The following ADGRL3 variants were observed in gnomAD, a reference collection of about 807,000 sequenced individuals.
The protein encoded by ADGRL3 is adhesion G protein-coupled receptor L3, also known as calcium-independent alpha-latrotoxin receptor 3.
In ADGRL3, 62 loss-of-function variants were observed where a neutral mutation model predicts 153.5. That is an observed-to-expected ratio of 0.40 (90% CI 0.33 to 0.50). The LOEUF (loss-of-function observed/expected upper bound fraction) is 0.50, where lower values mean the gene tolerates loss of function less well. Among genes scored for constraint, ADGRL3 ranks in the 20% least tolerant of loss-of-function variants. The pLI is 0.47. For synonymous variants in ADGRL3, 710 were observed against 672.5 expected (o/e 1.06, Z -0.86); for missense variants, 1,641 against 1,859.4 (o/e 0.88, Z 2.16).
intron 5 of ADGRL3, among the ~76,000 whole-genome samples, chr4:61,654,490 G>T (rs956779440): frequency 1.3e-5 from 2 of 151,668 alleles, no homozygotes; most frequent in Admixed American, 6.6e-5. Flanking sequence ...ATGTTAAAAG[G>T]ATTTTAACAC....
chr4:61,501,069 A>G (rs17090490), intron 3 of ADGRL3, among the ~76,000 whole-genome samples: 6,807 of 152,270 alleles, frequency 0.045, 352 homozygotes, highest in African/African-American at 0.12. Flanking sequence ...TGGGACAGAC[A>G]GACTGTGGTT....
intron 17 of ADGRL3, among the ~76,000 whole-genome samples, chr4:61,970,912 C>T (rs1333512296): frequency 2.6e-5 from 4 of 151,986 alleles, no homozygotes; most frequent in African/African-American, 9.7e-5. Context: ...TAGATCAATG[C>T]CAGGAATTTT....
At chr4:61,919,201 G>A (rs571637138) in intron 13 of ADGRL3, among the ~76,000 whole-genome samples, 1 of 152,276 alleles carries the variant, frequency 6.6e-6, no homozygotes, top group South Asian at 2.1e-4. Context: ...TGCAGCAACA[G>A]GGAGTACTTT....
At chr4:61,810,726 C>T (rs2097604989) in intron 8 of ADGRL3, among the ~76,000 whole-genome samples, 1 of 152,116 alleles carries the variant, frequency 6.6e-6, no homozygotes, top group African/African-American at 2.4e-5. Flanking sequence ...TTTTACTTCT[C>T]TGGCATACCT....
intron 1 of ADGRL3, among the ~76,000 whole-genome samples, chr4:61,275,938 G>C (rs2149881245): frequency 6.6e-6 from 1 of 152,218 alleles, no homozygotes; most frequent in African/African-American, 2.4e-5. Flanking sequence ...CCAAGCATTA[G>C]AGCTCAGACT....
chr4:61,493,020 TG>T (rs1403943713), intron 2 of ADGRL3, among the ~76,000 whole-genome samples: 1 of 148,930 alleles, frequency 6.7e-6, no homozygotes, highest in Non-Finnish European at 1.5e-5. Context: ...AAAAGAAATT[TG>T]TTTGGTGAAG....
chr4:62,021,299 T>C (rs2099237081), intron 21 of ADGRL3, among the ~76,000 whole-genome samples: 1 of 152,138 alleles, frequency 6.6e-6, no homozygotes, highest in Non-Finnish European at 1.5e-5. Context: ...AACTTCAGCA[T>C]GTATCCCCAC....
intron 2 of ADGRL3, among the ~76,000 whole-genome samples, chr4:61,482,950 A>G (rs1465836424): frequency 3.3e-5 from 5 of 152,154 alleles, no homozygotes; most frequent in African/African-American, 9.7e-5. Flanking sequence ...AAAAATAATT[A>G]CCTTGTATAA....
chr4:62,000,267 A>AT (rs902726152), intron 21 of ADGRL3, among the ~76,000 whole-genome samples: 9 of 150,980 alleles, frequency 6.0e-5, no homozygotes, highest in South Asian at 2.1e-4. Flanking sequence ...TTTTTAGGTA[A>AT]TTTTTTTTTC....
chr4:62,063,168 T>C (rs1463297939), intron 25 of ADGRL3, among the ~76,000 whole-genome samples: 2 of 152,102 alleles, frequency 1.3e-5, no homozygotes, highest in Non-Finnish European at 2.9e-5. Flanking sequence ...TGTGTTTTGT[T>C]TGTATGAATG....
chr4:61,297,849 A>G (rs552647236), intron 1 of ADGRL3, among the ~76,000 whole-genome samples: 1 of 152,012 alleles, frequency 6.6e-6, no homozygotes, highest in Non-Finnish European at 1.5e-5. Flanking sequence ...CACCATCATC[A>G]CCATCACCAC....
rs1747200483 is a variant in ADGRL3, at chr4:62,076,542, G to A, written c.*5634G>A. On this transcript the variant is annotated 3_prime_UTR_variant, in exon 27 of 27. Transcript: ENST00000683033. ...AGAGTTACAGAGAAAAGTTTTCCAG[G>A]AAAGAATAATGAAGTCATTTGTAGT... The A allele has an allele frequency of 6.6e-6, 1 of 151,966 alleles. No individual in the cohort carries two copies. Among genetic ancestry groups the A allele is most frequent in the African/African-American group, 2.4e-5 (1 of 41,416 alleles). The allele number at this position is 151,966 out of a possible 1,614,324, so 9.4% of individuals were successfully genotyped here.
chr4:61,667,315 T>C (rs1194659868), intron 5 of ADGRL3, among the ~76,000 whole-genome samples: 2 of 152,192 alleles, frequency 1.3e-5, no homozygotes, highest in African/African-American at 2.4e-5. Context: ...TTAAGATTCA[T>C]ACATTTATAA....
chr4:61,779,752 T>C (rs1580790100), intron 8 of ADGRL3, among the ~76,000 whole-genome samples: 1 of 152,134 alleles, frequency 6.6e-6, no homozygotes, highest in Non-Finnish European at 1.5e-5. Flanking sequence ...TTTTGTGTTT[T>C]AAATTTCTGT....
intron 14 of ADGRL3, among the ~76,000 whole-genome samples, 183 bp downstream of exon 14, chr4:61,935,206 G>A (rs377416934): frequency 6.6e-5 from 10 of 152,174 alleles, no homozygotes; most frequent in Admixed American, 5.9e-4. Flanking sequence ...AAGATCATGT[G>A]TGCTATCTTT....
intron 4 of ADGRL3, among the ~76,000 whole-genome samples, chr4:61,531,518 G>T (rs1197925351): frequency 6.6e-6 from 1 of 152,104 alleles, no homozygotes; most frequent in Non-Finnish European, 1.5e-5. Context: ...TCACTGGAAA[G>T]ACATTATTAT....
At chr4:61,486,446 C>T (rs1220697738) in intron 2 of ADGRL3, among the ~76,000 whole-genome samples, 1 of 152,012 alleles carries the variant, frequency 6.6e-6, no homozygotes, top group East Asian at 1.9e-4. Context: ...TATACAGTTG[C>T]CATAGGTGTA....
intron 5 of ADGRL3, among the ~76,000 whole-genome samples, chr4:61,646,658 G>A (rs576980661): frequency 6.6e-6 from 1 of 152,130 alleles, no homozygotes; most frequent in East Asian, 1.9e-4. Context: ...CTGCGTGCTG[G>A]GAGAACCACT....
chr4:61,541,135 G>A (rs966816730), intron 4 of ADGRL3, among the ~76,000 whole-genome samples: 9 of 152,098 alleles, frequency 5.9e-5, no homozygotes, highest in Non-Finnish European at 1.3e-4. Context: ...GGAAGTGAAA[G>A]ATCCTGGGTG....
Sources: gnomAD v4.1 joint callset for allele counts (sites outside exome capture counted in the v4.1 genomes callset) on GRCh38, gnomAD v4.1.1 for gene constraint, MANE v1.5 for transcripts, NCBI Gene and HGNC (gene_info 2026-07-23, HGNC 2026-07-21) for gene names.